The following CEP128 variants were observed in gnomAD, a reference collection of about 807,000 sequenced individuals.
CEP128 encodes the protein centrosomal protein 128, also known as centrosomal protein 128kDa.
In CEP128, 132 loss-of-function variants were observed where a neutral mutation model predicts 156.7. The observed-to-expected ratio is 0.84, with a 90% CI of 0.73 to 0.97. The LOEUF (loss-of-function observed/expected upper bound fraction) is 0.97. Among genes scored for constraint, CEP128 ranks in the 50% least tolerant of loss-of-function variants. The pLI is 0.00. For synonymous variants in CEP128, 469 were observed against 448.9 expected (o/e 1.04, Z -0.57); for missense variants, 1,252 against 1,281.9 (o/e 0.98, Z 0.36).
At chr14:80,733,348 G>A (rs1319716095) in intron 19 of CEP128, among the ~76,000 whole-genome samples, 1 of 62,144 alleles carries the variant, frequency 1.6e-5, no homozygotes, top group Middle Eastern at 7.5e-3. Flanking sequence ...TCGTGTGTGT[G>A]TGTGTGTGTG....
intron 19 of CEP128, among the ~76,000 whole-genome samples, chr14:80,582,712 A>G (rs1330236476): frequency 6.6e-6 from 1 of 152,072 alleles, no homozygotes; most frequent in Non-Finnish European, 1.5e-5. Context: ...GGCCAAAACA[A>G]CAGATTTCTA....
chr14:80,591,871 T>C (rs1003664571), intron 19 of CEP128, among the ~76,000 whole-genome samples: 8 of 152,146 alleles, frequency 5.3e-5, no homozygotes, highest in African/African-American at 1.9e-4. Flanking sequence ...ACCGTACAAC[T>C]ACATGGAAAC....
intron 19 of CEP128, among the ~76,000 whole-genome samples, chr14:80,600,244 C>G (rs953913104): frequency 2.0e-5 from 3 of 152,070 alleles, no homozygotes; most frequent in Non-Finnish European, 4.4e-5. Flanking sequence ...TAAAAATTCC[C>G]AAATTTGATT....
chr14:80,863,753 G>A (rs1044618410), intron 8 of CEP128, among the ~76,000 whole-genome samples: 2 of 152,080 alleles, frequency 1.3e-5, no homozygotes, highest in African/African-American at 4.8e-5. Flanking sequence ...TCCTGACAAG[G>A]AACCTTATTG....
At chr14:80,532,463 C>G (rs1235976379) in intron 21 of CEP128, among the ~76,000 whole-genome samples, 2 of 152,162 alleles carry the variant, frequency 1.3e-5, no homozygotes, top group Non-Finnish European at 2.9e-5. Context: ...CCTGGCATAT[C>G]CAATCCAGAG....
intron 19 of CEP128, among the ~76,000 whole-genome samples, chr14:80,740,174 C>T (rs759921935): frequency 3.9e-5 from 6 of 151,922 alleles, no homozygotes; most frequent in Non-Finnish European, 8.8e-5. Flanking sequence ...CATTACTTCC[C>T]TCATTCATTC....
At chr14:80,613,427 C>A (rs1241303796) in intron 19 of CEP128, among the ~76,000 whole-genome samples, 2 of 148,716 alleles carry the variant, frequency 1.3e-5, no homozygotes, top group East Asian at 2.0e-4. Context: ...CTCAGCCTCT[C>A]GAGTAATTGG....
At chr14:80,707,850 G>A (rs1453662851) in intron 19 of CEP128, among the ~76,000 whole-genome samples, 7 of 151,874 alleles carry the variant, frequency 4.6e-5, no homozygotes, top group Admixed American at 3.3e-4. Context: ...TTGTCATTAA[G>A]GTATAACCCA....
intron 2 of CEP128, chr14:80,955,102 C>G (rs930999459): frequency 5.6e-5 from 10 of 178,422 alleles, no homozygotes; most frequent in African/African-American, 2.4e-4. Context: ...GCGTGCCCGC[C>G]TCTGACCCTC....
intron 15 of CEP128, among the ~76,000 whole-genome samples, chr14:80,782,893 C>T (rs1901200409): frequency 6.6e-6 from 1 of 152,100 alleles, no homozygotes; most frequent in African/African-American, 2.4e-5. Flanking sequence ...TGTCATATGG[C>T]CTTTTATTTT....
At chr14:80,484,943 G>C (rs183859945) in intron 14 of CEP128, among the ~76,000 whole-genome samples, 21 of 152,246 alleles carry the variant, frequency 1.4e-4, no homozygotes, top group Non-Finnish European at 4.4e-5. Flanking sequence ...GGAAAGGGTA[G>C]AGAAATCTGA....
chr14:80,756,295 C>A (rs1041972574), intron 18 of CEP128, among the ~76,000 whole-genome samples: 4 of 152,138 alleles, frequency 2.6e-5, no homozygotes, highest in African/African-American at 9.7e-5. Context: ...ACTATACTTT[C>A]ATTTTCTTGT....
In CEP128 at chr14:80,587,374, C is replaced by T. The variant is rs536565362; in HGVS notation, c.2807-6951G>A. Reference sequence around the variant, plus strand: ...GACACTGAAACAACATGCTGGTCTACAGATGGAGCCCAATTGGTCCAATAA... The same window carrying T: ...GACACTGAAACAACATGCTGGTCTATAGATGGAGCCCAATTGGTCCAATAA... On this transcript the variant is annotated intron_variant, in intron 19 of 24. Coordinates refer to ENST00000555265, the MANE Select transcript of CEP128 (RefSeq NM_152446.5). 3.9e-5 allele frequency among the ~76,000 whole-genome samples: 6 copies of T among 152,294 alleles called. No individual in the cohort carries two copies. The South Asian group carries it at 1.2e-3, about 32-fold the overall frequency.
intron 14 of CEP128, among the ~76,000 whole-genome samples, chr14:80,786,467 T>A (rs2139814097): frequency 6.6e-6 from 1 of 152,254 alleles, no homozygotes; most frequent in Non-Finnish European, 1.5e-5. Context: ...TAAAACAATT[T>A]ATGACAAAAA....
chr14:80,580,920 T>C (rs1891565743), intron 19 of CEP128, among the ~76,000 whole-genome samples: 2 of 152,214 alleles, frequency 1.3e-5, no homozygotes, highest in Admixed American at 6.5e-5. Context: ...TGTTATTAAC[T>C]GGAAGTGGAA....
chr14:80,647,322 A>G (rs1410396441), intron 19 of CEP128, among the ~76,000 whole-genome samples: 1 of 151,388 alleles, frequency 6.6e-6, no homozygotes, highest in Admixed American at 6.6e-5. Context: ...TTTTCTCTAT[A>G]AGACTTTCTA....
chr14:80,892,353 T>G (rs1889142454), intron 8 of CEP128, among the ~76,000 whole-genome samples: 1 of 151,754 alleles, frequency 6.6e-6, no homozygotes, highest in African/African-American at 2.4e-5. Flanking sequence ...AACTGGAATT[T>G]CACACACAAA....
At chr14:80,721,832 T>C (rs1897827767) in intron 19 of CEP128, among the ~76,000 whole-genome samples, 1 of 151,226 alleles carries the variant, frequency 6.6e-6, no homozygotes, top group Non-Finnish European at 1.5e-5. Flanking sequence ...AAACGTTGCT[T>C]AATAATTGTT....
Position 80,895,794 on chromosome 14 carries a change from G to GTAA in CEP128, c.573-5_573-4insTTA. 7.8e-7 allele frequency: 1 copy of GTAA among 1,285,740 alleles called. No homozygotes were observed. The highest frequency in any genetic ancestry group is 9.9e-7 in the Non-Finnish European group (1 of 1,005,340). 79.6% of individuals were successfully genotyped at this position (1,285,740 alleles called of 1,614,324 possible). A position where few individuals can be genotyped will look rare whatever the true frequency, so the allele number is the denominator to read the frequency against. Reference sequence around the variant, plus strand: ...CCTTTTTGTTTCGGCATCTGACCTAGGAAGAAAAAAAAAAAAAAGATTTAA... The same window carrying GTAA: ...CCTTTTTGTTTCGGCATCTGACCTAGTAAGAAGAAAAAAAAAAAAAAGATTTAA... On this transcript the variant is annotated splice_region_variant and splice_polypyrimidine_tract_variant and intron_variant, in intron 7 of 24. Coordinates refer to ENST00000555265, the MANE Select transcript of CEP128 (RefSeq NM_152446.5).
Sources: allele counts gnomAD v4.1 joint callset (sites outside exome capture counted in the v4.1 genomes callset), GRCh38; gene constraint gnomAD v4.1.1; transcripts MANE v1.5; gene names NCBI Gene and HGNC (gene_info 2026-07-23, HGNC 2026-07-21).